Variants in KCNJ16 observed in about 807,000 individuals in gnomAD.
KCNJ16 encodes the protein potassium inwardly rectifying channel subfamily J member 16, also known as inward rectifier potassium channel 16.
KCNJ16 carries 15 observed loss-of-function variants against 18.5 expected under a neutral mutation model. The ratio of observed to expected loss-of-function variants is 0.81; its 90% confidence interval spans 0.54 to 1.25. KCNJ16 has a LOEUF of 1.25. KCNJ16 is among the 50% of genes most tolerant of loss of function. The pLI, the probability that KCNJ16 is intolerant of heterozygous loss-of-function variation, is 0.00. For missense variants in KCNJ16, 523 were observed against 525.7 expected (o/e 0.99, Z 0.05); for synonymous variants, 174 against 186.5 (o/e 0.93, Z 0.55).
intron 2 of KCNJ16, among the ~76,000 whole-genome samples, chr17:70,114,252 G>A (rs191790512): frequency 1.7e-4 from 26 of 152,218 alleles, no homozygotes; most frequent in African/African-American, 5.1e-4. Context: ...TCTGGTCTAC[G>A]AGTAAATCAC....
At chr17:70,128,357 T>C (rs958996352) in intron 2 of KCNJ16, among the ~76,000 whole-genome samples, 2 of 152,210 alleles carry the variant, frequency 1.3e-5, no homozygotes, top group Non-Finnish European at 2.9e-5. Flanking sequence ...CTTAAGACAA[T>C]GAGTAAGATA....
At chr17:70,112,209 CA>C (rs1176614323) in intron 2 of KCNJ16, among the ~76,000 whole-genome samples, 2 of 152,100 alleles carry the variant, frequency 1.3e-5, no homozygotes, top group Non-Finnish European at 2.9e-5. Flanking sequence ...TTGGTTTTCA[CA>C]AGGTTTTAGC....
intron 1 of KCNJ16, among the ~76,000 whole-genome samples, chr17:70,087,921 C>T (rs1044212069): frequency 2.8e-5 from 4 of 142,150 alleles, no homozygotes; most frequent in African/African-American, 1.1e-4. Context: ...AACGCTAGAA[C>T]AGGTGAATCG....
At chr17:70,120,547 G>C (rs1443073831) in intron 2 of KCNJ16, among the ~76,000 whole-genome samples, 1 of 152,186 alleles carries the variant, frequency 6.6e-6, no homozygotes, top group African/African-American at 2.4e-5. Context: ...TTCTGCTTCT[G>C]GGGTTGCCTC....
intron 2 of KCNJ16, among the ~76,000 whole-genome samples, chr17:70,130,611 C>A (rs918664619): frequency 6.6e-6 from 1 of 152,176 alleles, no homozygotes; most frequent in Admixed American, 6.5e-5. Context: ...GGGAAGTTAA[C>A]TCTTTCTGTC....
In KCNJ16 at chr17:70,133,665, G is replaced by A. The variant is rs1293815314; in HGVS notation, c.*321G>A. The A allele has an allele frequency of 4.5e-6, 1 of 222,958 alleles. No individual in the cohort carries two copies. The highest frequency in any genetic ancestry group is 9.6e-6 in the Non-Finnish European group (1 of 104,138). The allele number at this position is 222,958 out of a possible 1,614,324, so 13.8% of individuals were successfully genotyped here. A position where few individuals can be genotyped will look rare whatever the true frequency, so the allele number is the denominator to read the frequency against. The stretch of plus-strand genomic sequence containing the variant: ...AACGGGGAATGAAGGCAGGAAGGAG[G>A]CTGGAATAAATAAAAATAAAAATAG... On this transcript the variant is annotated 3_prime_UTR_variant, in exon 4 of 4. Transcript: ENST00000392671.
intron 1 of KCNJ16, among the ~76,000 whole-genome samples, chr17:70,087,028 A>T (rs538598903): frequency 5.3e-5 from 8 of 150,388 alleles, no homozygotes; most frequent in African/African-American, 2.0e-4. Flanking sequence ...CCCCCCGAGT[A>T]GCTGGGATTA....
Position 70,099,502 on chromosome 17 carries a change from T to C in KCNJ16, c.-299-1156T>C, listed in dbSNP as rs143376554. On this transcript the variant is annotated intron_variant, in intron 1 of 3. Coordinates refer to ENST00000392671, the MANE Select transcript of KCNJ16 (RefSeq NM_170741.4). ...AGGTCTAGTCATCATAAAATAGGAA[T>C]AGAATGCATTTAGGGGTGAATGAGG... 1.0e-3 allele frequency among the ~76,000 whole-genome samples: 155 copies of C among 152,036 alleles called. 1 individual carries two copies. The Middle Eastern group carries it at 0.017, about 17-fold the overall frequency.
chr17:70,097,326 T>A (rs369863797), intron 1 of KCNJ16, among the ~76,000 whole-genome samples: 2 of 152,208 alleles, frequency 1.3e-5, no homozygotes, highest in Admixed American at 6.5e-5. Context: ...TGTGAGAATG[T>A]CACTGTTTTT....
intron 2 of KCNJ16, among the ~76,000 whole-genome samples, chr17:70,125,470 A>G (rs2073819617): frequency 6.6e-6 from 1 of 152,044 alleles, no homozygotes; most frequent in Non-Finnish European, 1.5e-5. Flanking sequence ...ACCCTTTGAG[A>G]GAGTGAAAGC....
At chr17:70,101,324 T>C (rs192216212) in intron 2 of KCNJ16, 6 of 152,332 alleles carry the variant, frequency 3.9e-5, no homozygotes, top group Admixed American at 2.6e-4. Flanking sequence ...ATCTAGGATA[T>C]TCTGTGCATT....
At chr17:70,105,625 C>T (rs2072888464) in intron 2 of KCNJ16, among the ~76,000 whole-genome samples, 1 of 152,174 alleles carries the variant, frequency 6.6e-6, no homozygotes, top group South Asian at 2.1e-4. Flanking sequence ...AAAACAACTG[C>T]TAAAAGGTAA....
rs145531187 is a variant in KCNJ16, at chr17:70,095,821, T to C, written c.-299-4837T>C. 5.6e-3 allele frequency among the ~76,000 whole-genome samples: 841 copies of C among 151,200 alleles called. 5 individuals carry two copies. Among genetic ancestry groups the C allele is most frequent in the African/African-American group, 0.019 (793 of 41,256 alleles). On this transcript the variant is annotated intron_variant, in intron 1 of 3. Transcript: ENST00000392671. ...GATTCAAACTTGGGTCAAGATCCCT[T>C]TGATCTAGCTCAAATCTGTGATAAT... is the stretch of plus-strand genomic sequence containing the variant.
In KCNJ16 at chr17:70,130,976, G is replaced by A. The variant is rs576849809; in HGVS notation, c.-93-1019G>A. ...TATTATACCATGGATGCTAAAAATG[G>A]TAAGAGCTGCATGTTCTGCCTTGAT... On this transcript the variant is annotated intron_variant, in intron 1 of 1. Coordinates refer to the KCNJ16 transcript ENST00000589377. 2.7e-5 allele frequency: 42 copies of A among 1,535,582 alleles called. 1 individual carries two copies. In the South Asian group the frequency reaches 3.2e-4, roughly 12 times the overall value.
intron 2 of KCNJ16, among the ~76,000 whole-genome samples, chr17:70,123,129 G>A (rs536517780): frequency 1.3e-5 from 2 of 152,084 alleles, no homozygotes; most frequent in Non-Finnish European, 2.9e-5. Context: ...ACTGTTCTTG[G>A]GAGAAATATC....
chr17:70,116,686 C>G (rs2073420956), intron 2 of KCNJ16, among the ~76,000 whole-genome samples: 1 of 152,042 alleles, frequency 6.6e-6, no homozygotes, highest in Middle Eastern at 3.2e-3. Flanking sequence ...TACAAGCAGT[C>G]AACAAACATG....
intron 2 of KCNJ16, among the ~76,000 whole-genome samples, chr17:70,119,343 A>C (rs2073540285): frequency 1.3e-5 from 2 of 152,314 alleles, no homozygotes; most frequent in African/African-American, 4.8e-5. Flanking sequence ...CCTTTGTCAC[A>C]TCTCCACTAG....
At chr17:70,086,096 T>C (rs2071784109) in intron 1 of KCNJ16, among the ~76,000 whole-genome samples, 1 of 152,154 alleles carries the variant, frequency 6.6e-6, no homozygotes. Flanking sequence ...GTTTCTTTAG[T>C]TTAAAAAGTC....
chr17:70,115,742 A>C (rs1232384616), intron 2 of KCNJ16, among the ~76,000 whole-genome samples: 2 of 152,130 alleles, frequency 1.3e-5, no homozygotes, highest in Non-Finnish European at 2.9e-5. Context: ...CCAGTGGCCA[A>C]ATGTGATCTG....
Sources: allele counts gnomAD v4.1 joint callset (sites outside exome capture counted in the v4.1 genomes callset), GRCh38; gene constraint gnomAD v4.1.1; transcripts MANE v1.5; gene names NCBI Gene and HGNC (gene_info 2026-07-23, HGNC 2026-07-21).